Variants in GRM8 observed in about 807,000 individuals in gnomAD.
The protein encoded by GRM8 is metabotropic glutamate receptor 8.
A neutral mutation model predicts 87.2 loss-of-function variants in GRM8; 47 were observed. The ratio of observed to expected loss-of-function variants is 0.54; its 90% CI spans 0.43 to 0.69. The LOEUF is 0.69. Ranked by LOEUF, GRM8 falls within the 30% of genes least tolerant of loss-of-function variation. GRM8 has a pLI of 0.00. For missense variants in GRM8, 1,019 were observed against 1,139.2 expected (o/e 0.89, Z 1.52); for synonymous variants, 396 against 404.5 (o/e 0.98, Z 0.25).
intron 3 of GRM8, among the ~76,000 whole-genome samples, chr7:126,936,256 T>G (rs1350999318): frequency 6.6e-6 from 1 of 152,194 alleles, no homozygotes; most frequent in Non-Finnish European, 1.5e-5. Context: ...TCAACTCACA[T>G]TGTATTTGTA....
intron 3 of GRM8, among the ~76,000 whole-genome samples, chr7:126,982,933 C>T (rs145393461): frequency 2.0e-5 from 3 of 152,260 alleles, no homozygotes; most frequent in African/African-American, 4.8e-5. Context: ...AATCACAGGG[C>T]ATGGTAATAC....
intron 2 of GRM8, among the ~76,000 whole-genome samples, chr7:127,236,458 C>T (rs1797986148): frequency 6.6e-6 from 1 of 152,162 alleles, no homozygotes; most frequent in Admixed American, 6.5e-5. Flanking sequence ...AAAGGAGAAG[C>T]AAGAAACCTT....
intron 6 of GRM8, among the ~76,000 whole-genome samples, chr7:126,793,032 C>T (rs1821533132): frequency 6.6e-6 from 1 of 152,070 alleles, no homozygotes; most frequent in African/African-American, 2.4e-5. Context: ...TGTGCTAAGC[C>T]CCTGTACCTT....
chr7:126,902,470 A>G, intron 6 of GRM8, 72 bp downstream of exon 6: 4 of 1,246,112 alleles, frequency 3.2e-6, no homozygotes, highest in Non-Finnish European at 4.4e-6. Flanking sequence ...ATATAGAAAA[A>G]CGTAATTTAT....
At chr7:126,473,586 T>C (rs947080352) in intron 9 of GRM8, among the ~76,000 whole-genome samples, 6 of 152,202 alleles carry the variant, frequency 3.9e-5, no homozygotes, top group Admixed American at 3.9e-4. Flanking sequence ...GAATTAATGC[T>C]GAAATGAGTT....
chr7:127,070,749 A>T (rs891549998), intron 3 of GRM8, among the ~76,000 whole-genome samples: 1 of 152,192 alleles, frequency 6.6e-6, no homozygotes, highest in Admixed American at 6.6e-5. Flanking sequence ...AGGGACTATG[A>T]TTATCCCCAT....
At chr7:126,937,561 A>T (rs532477283) in intron 3 of GRM8, among the ~76,000 whole-genome samples, 204 of 152,342 alleles carry the variant, frequency 1.3e-3, no homozygotes, top group Non-Finnish European at 2.2e-3. Context: ...CAAAAGACAG[A>T]GGCCATCAAG....
chr7:126,884,374 G>A (rs1254914160), intron 6 of GRM8, among the ~76,000 whole-genome samples: 1 of 152,058 alleles, frequency 6.6e-6, no homozygotes, highest in East Asian at 1.9e-4. Context: ...TGGGAGTTCT[G>A]TGGCTAAACA....
intron 3 of GRM8, among the ~76,000 whole-genome samples, chr7:126,908,585 T>G (rs1399762049): frequency 6.6e-6 from 1 of 152,324 alleles, no homozygotes; most frequent in Non-Finnish European, 1.5e-5. Context: ...TCTGAAAATT[T>G]TTATTATTAC....
intron 2 of GRM8, among the ~76,000 whole-genome samples, chr7:127,199,182 C>T (rs1407047601): frequency 6.6e-6 from 1 of 151,012 alleles, no homozygotes; most frequent in Non-Finnish European, 1.5e-5. Context: ...TATGTTGCCC[C>T]CAGGCTGACC....
intron 2 of GRM8, among the ~76,000 whole-genome samples, chr7:127,173,410 T>C (rs139297613): frequency 1.3e-5 from 2 of 152,176 alleles, no homozygotes; most frequent in East Asian, 1.9e-4. Flanking sequence ...GGAAGGGGCA[T>C]GCCTGGATCG....
chr7:127,176,321 T>A (rs1208946958), intron 2 of GRM8, among the ~76,000 whole-genome samples: 1 of 152,170 alleles, frequency 6.6e-6, no homozygotes, highest in African/African-American at 2.4e-5. Flanking sequence ...TGGTAGATAT[T>A]TATACAACTA....
intron 2 of GRM8, among the ~76,000 whole-genome samples, chr7:127,188,773 AC>A (rs1486136440): frequency 6.6e-6 from 1 of 152,212 alleles, no homozygotes; most frequent in Admixed American, 6.5e-5. Context: ...TCAAATCCAA[AC>A]CCTCCAGACA....
At chr7:126,962,853 C>T (rs530967337) in intron 3 of GRM8, among the ~76,000 whole-genome samples, 4 of 152,168 alleles carry the variant, frequency 2.6e-5, no homozygotes, top group African/African-American at 7.2e-5. Context: ...TGCACTTACC[C>T]GCAGAAACTA....
At chr7:126,646,600 C>G (rs150183363) in intron 7 of GRM8, among the ~76,000 whole-genome samples, 11 of 151,580 alleles carry the variant, frequency 7.3e-5, no homozygotes, top group Non-Finnish European at 1.6e-4. Flanking sequence ...GTGATACCAC[C>G]CACATGCTTA....
chr7:126,492,755 G>A (rs12671291), intron 9 of GRM8, among the ~76,000 whole-genome samples: 29,540 of 151,936 alleles, frequency 0.19, 3,364 homozygotes, highest in Non-Finnish European at 0.24. Flanking sequence ...TTTATAGATA[G>A]GTATTCCTTA....
intron 2 of GRM8, among the ~76,000 whole-genome samples, chr7:127,127,421 T>A (rs1587090672): frequency 6.6e-6 from 1 of 151,982 alleles, no homozygotes; most frequent in East Asian, 1.9e-4. Context: ...AAACAAACTG[T>A]GGTGTAGCAA....
At chr7:127,208,726 C>T (rs1796052940) in intron 2 of GRM8, among the ~76,000 whole-genome samples, 1 of 152,222 alleles carries the variant, frequency 6.6e-6, no homozygotes, top group Admixed American at 6.5e-5. Flanking sequence ...CTGCCACTTT[C>T]TTCAGTCCTC....
At chr7:126,761,145 C>T (rs1432927510) in intron 7 of GRM8, among the ~76,000 whole-genome samples, 6 of 151,512 alleles carry the variant, frequency 4.0e-5, no homozygotes, top group Non-Finnish European at 7.4e-5. Context: ...TTGCAGTGAG[C>T]GGAGATCGCA....
Sources: allele counts gnomAD v4.1 joint callset (sites outside exome capture counted in the v4.1 genomes callset), GRCh38; gene constraint gnomAD v4.1.1; transcripts MANE v1.5; gene names NCBI Gene and HGNC (gene_info 2026-07-23, HGNC 2026-07-21).